Variants in SH2D4B observed in about 807,000 individuals in gnomAD.
SH2D4B encodes the protein SH2 domain-containing protein 4B.
SH2D4B carries 45 observed loss-of-function variants against 61.5 expected under a neutral mutation model. The ratio of observed to expected loss-of-function variants is 0.73; its 90% CI spans 0.58 to 0.94. SH2D4B has a LOEUF of 0.94. SH2D4B is among the 40% of genes least tolerant of loss of function. The pLI is 0.00. For synonymous variants in SH2D4B, 224 were observed against 220.4 expected (o/e 1.02, Z -0.14); for missense variants, 572 against 574.2 (o/e 1.00, Z 0.04).
At chr10:80,560,292 T>G (rs540183347) in intron 1 of SH2D4B, among the ~76,000 whole-genome samples, 1 of 151,894 alleles carries the variant, frequency 6.6e-6, no homozygotes, top group African/African-American at 2.4e-5. Flanking sequence ...CGGCTGCACC[T>G]TTTTTTTATT....
At chr10:80,587,585 T>C (rs1469140711) in intron 3 of SH2D4B, among the ~76,000 whole-genome samples, 2 of 152,204 alleles carry the variant, frequency 1.3e-5, no homozygotes, top group Non-Finnish European at 2.9e-5. Context: ...AGCTTTTTTT[T>C]TTCTTTCTAA....
At chr10:80,596,662 A>G (rs768400624) in intron 4 of SH2D4B, among the ~76,000 whole-genome samples, 3 of 152,170 alleles carry the variant, frequency 2.0e-5, no homozygotes, top group Non-Finnish European at 4.4e-5. Flanking sequence ...CATTCCAAGG[A>G]CTGCCGAGGG....
At chr10:80,543,101 G>A (rs1378008209) in intron 1 of SH2D4B, among the ~76,000 whole-genome samples, 2 of 152,030 alleles carry the variant, frequency 1.3e-5, no homozygotes, top group African/African-American at 4.8e-5. Context: ...ACAGCGTGCT[G>A]GCTGTCCTCA....
intron 4 of SH2D4B, among the ~76,000 whole-genome samples, chr10:80,590,798 G>T (rs1842316110): frequency 6.6e-6 from 1 of 151,890 alleles, no homozygotes; most frequent in Non-Finnish European, 1.5e-5. Flanking sequence ...AAAAAGTTGT[G>T]CAATCATCGC....
At chr10:80,573,179 C>T (rs1324840362) in intron 3 of SH2D4B, among the ~76,000 whole-genome samples, 3 of 145,190 alleles carry the variant, frequency 2.1e-5, no homozygotes, top group Non-Finnish European at 4.5e-5. Context: ...TTAGTAGAGA[C>T]GGGGTTTTGT....
chr10:80,621,027 C>A (rs2132152528), intron 6 of SH2D4B, among the ~76,000 whole-genome samples: 1 of 152,346 alleles, frequency 6.6e-6, no homozygotes, highest in South Asian at 2.1e-4. Flanking sequence ...ATGTTTCTTG[C>A]ATAAATTATA....
At chr10:80,576,486 G>A (rs957863427) in intron 3 of SH2D4B, among the ~76,000 whole-genome samples, 17 of 152,236 alleles carry the variant, frequency 1.1e-4, no homozygotes, top group Middle Eastern at 3.2e-3. Flanking sequence ...CAAGTACTGT[G>A]CAGTTGAATG....
At chr10:80,599,720 C>G (rs1012861750) in intron 4 of SH2D4B, among the ~76,000 whole-genome samples, 1 of 152,140 alleles carries the variant, frequency 6.6e-6, no homozygotes, top group Non-Finnish European at 1.5e-5. Context: ...CCAAGTTTAG[C>G]TGTTGTCGAA....
At chr10:80,561,236 C>A (rs539306321) in intron 1 of SH2D4B, among the ~76,000 whole-genome samples, 1 of 152,138 alleles carries the variant, frequency 6.6e-6, no homozygotes, top group Non-Finnish European at 1.5e-5. Context: ...AGGAAAACAA[C>A]GGATAGAATT....
At chr10:80,586,590 T>C (rs1842252699) in intron 3 of SH2D4B, among the ~76,000 whole-genome samples, 1 of 152,054 alleles carries the variant, frequency 6.6e-6, no homozygotes, top group African/African-American at 2.4e-5. Context: ...AGCTCAGGGA[T>C]TGTAAACGCA....
At chr10:80,548,959 A>G (rs568451956) in intron 1 of SH2D4B, among the ~76,000 whole-genome samples, 8 of 152,300 alleles carry the variant, frequency 5.3e-5, no homozygotes, top group South Asian at 4.1e-4. Context: ...AGTTTTTCCA[A>G]TGAAGGGTCA....
chr10:80,595,556 G>A (rs77745801), intron 4 of SH2D4B, among the ~76,000 whole-genome samples: 1,776 of 152,274 alleles, frequency 0.012, 12 homozygotes, highest in Non-Finnish European at 0.017. Flanking sequence ...TATTGCCCTG[G>A]CCTAGTGGCT....
chr10:80,543,333 C>A (rs903235423), intron 1 of SH2D4B, among the ~76,000 whole-genome samples: 8 of 152,110 alleles, frequency 5.3e-5, no homozygotes, highest in African/African-American at 1.2e-4. Context: ...GCGGACCCCG[C>A]ACTCGGAGCG....
chr10:80,623,424 G>A (rs921920544), intron 6 of SH2D4B, among the ~76,000 whole-genome samples: 7 of 152,126 alleles, frequency 4.6e-5, no homozygotes, highest in Non-Finnish European at 1.0e-4. Context: ...CCATCCATGA[G>A]CCCTCCATCC....
At chr10:80,609,295 T>G in intron 5 of SH2D4B, 129 bp from the exon 6 acceptor site, 1 of 855,754 alleles carries the variant, frequency 1.2e-6, no homozygotes, top group Non-Finnish European at 1.7e-6. Context: ...TGCCCCTTCT[T>G]CCACCCCCCC....
At chr10:80,628,111 G>T (rs1374059378) in intron 6 of SH2D4B, among the ~76,000 whole-genome samples, 2 of 152,148 alleles carry the variant, frequency 1.3e-5, no homozygotes, top group African/African-American at 4.8e-5. Context: ...AGAAGCAGAG[G>T]TGGGTGATGA....
At chr10:80,582,499 C>T (rs564326163) in intron 3 of SH2D4B, among the ~76,000 whole-genome samples, 85 of 152,140 alleles carry the variant, frequency 5.6e-4, no homozygotes, top group Non-Finnish European at 1.1e-3. Context: ...GGAACCAGGA[C>T]CCCCGCACTG....
At chr10:80,603,473 T>G in intron 4 of SH2D4B, 106 bp from the exon 5 acceptor site, 1 of 1,068,414 alleles carries the variant, frequency 9.4e-7, no homozygotes, top group Non-Finnish European at 1.3e-6. Flanking sequence ...TTTTTGCCAC[T>G]ACATTGCAAT....
At chr10:80,548,945 A>G (rs1841718831) in intron 1 of SH2D4B, among the ~76,000 whole-genome samples, 1 of 152,158 alleles carries the variant, frequency 6.6e-6, no homozygotes, top group South Asian at 2.1e-4. Context: ...ATTGGAGGAA[A>G]TTCAGTTTTT....
Sources: allele counts gnomAD v4.1 joint callset (sites outside exome capture counted in the v4.1 genomes callset), GRCh38; gene constraint gnomAD v4.1.1; transcripts MANE v1.5; gene names NCBI Gene and HGNC (gene_info 2026-07-23, HGNC 2026-07-21).